TRHDE: variants seen among roughly 807,000 people sequenced by gnomAD.
TRHDE encodes the protein thyrotropin releasing hormone degrading enzyme, also known as thyrotropin-releasing hormone-degrading ectoenzyme.
Under a neutral mutation model 125.7 loss-of-function variants are expected in TRHDE, and 72 were observed. The observed-to-expected ratio is 0.57, with a 90% CI of 0.47 to 0.70. TRHDE has a LOEUF of 0.70. Among genes scored for constraint, TRHDE ranks in the 30% least tolerant of loss-of-function variants. TRHDE has a pLI of 0.00. For synonymous variants in TRHDE, 509 were observed against 509.1 expected (o/e 1.00, Z 0.00); for missense variants, 1,110 against 1,327.1 (o/e 0.84, Z 2.54).
chr12:72,215,149 T>A (rs1360294175), intron 2 of TRHDE, among the ~76,000 whole-genome samples: 2 of 147,584 alleles, frequency 1.4e-5, no homozygotes, highest in Non-Finnish European at 1.5e-5. Context: ...AGGATTTGGG[T>A]AGGTAAAGGA....
At chr12:72,165,478 C>T (rs1044496454) in intron 2 of TRHDE, among the ~76,000 whole-genome samples, 5 of 151,996 alleles carry the variant, frequency 3.3e-5, no homozygotes, top group African/African-American at 1.2e-4. Flanking sequence ...GGGTGGGAGG[C>T]TTATAGGTTC....
At position 72,494,677 on chromosome 12, in the gene TRHDE, A is replaced by G. The variant is rs553726842; in HGVS notation, c.1585-4821A>G. On this transcript the variant is annotated intron_variant, in intron 5 of 18. Transcript: ENST00000261180. ...TAACTCCTCAGACTTTGACATGTTCAGGCAGAAGCCATTACAAGACATCAA... is the reference window on the plus strand; with the variant it reads ...TAACTCCTCAGACTTTGACATGTTCGGGCAGAAGCCATTACAAGACATCAA... Among the ~76,000 whole-genome samples the G allele has an allele frequency of 1.1e-3, 162 of 152,206 alleles. 1 individual carries two copies. The highest frequency in any genetic ancestry group is 6.8e-3 in the Middle Eastern group (2 of 294).
chr12:72,627,847 ATTT>A (rs71071845), intron 15 of TRHDE, among the ~76,000 whole-genome samples: 1 of 143,778 alleles, frequency 7.0e-6, no homozygotes. Context: ...CACCTGGCTA[ATTT>A]TTTTTTTTTT....
intron 15 of TRHDE, among the ~76,000 whole-genome samples, chr12:72,644,387 A>C (rs1458914846): frequency 3.3e-5 from 5 of 152,176 alleles, no homozygotes. Flanking sequence ...TAAAAAGTCT[A>C]GCACAATCTA....
At chr12:72,294,886 A>C (rs1880228513) in intron 2 of TRHDE, among the ~76,000 whole-genome samples, 1 of 151,816 alleles carries the variant, frequency 6.6e-6, no homozygotes, top group African/African-American at 2.4e-5. Flanking sequence ...GAGTGTCAAC[A>C]CTGCCCTGAG....
At chr12:72,355,364 C>G (rs77591848) in intron 2 of TRHDE, among the ~76,000 whole-genome samples, 1 of 151,482 alleles carries the variant, frequency 6.6e-6, no homozygotes, top group Non-Finnish European at 1.5e-5. Flanking sequence ...ACCATGCATA[C>G]CTTGTAGGCT....
intron 2 of TRHDE, among the ~76,000 whole-genome samples, chr12:72,160,980 T>C (rs966991362): frequency 6.6e-6 from 1 of 152,188 alleles, no homozygotes; most frequent in Non-Finnish European, 1.5e-5. Context: ...ATACCAGAGA[T>C]TTTTTGGTTT....
intron 2 of TRHDE, among the ~76,000 whole-genome samples, chr12:72,174,279 A>G (rs1266610345): frequency 6.6e-6 from 1 of 152,226 alleles, no homozygotes; most frequent in Non-Finnish European, 1.5e-5. Context: ...ACCCACCCAG[A>G]ATATAATTAC....
chr12:72,442,803 G>T (rs1045684951), intron 3 of TRHDE, among the ~76,000 whole-genome samples: 6 of 151,780 alleles, frequency 4.0e-5, no homozygotes, highest in African/African-American at 1.2e-4. Context: ...GGATTTTTAG[G>T]TTCCTTCACC....
chr12:72,321,208 A>T (rs899087403), intron 2 of TRHDE, among the ~76,000 whole-genome samples: 1 of 152,194 alleles, frequency 6.6e-6, no homozygotes, highest in Non-Finnish European at 1.5e-5. Flanking sequence ...ACTCAGACAC[A>T]GTATGAGTAG....
chr12:72,622,294 G>T (rs1873084808), intron 15 of TRHDE, among the ~76,000 whole-genome samples: 1 of 151,932 alleles, frequency 6.6e-6, no homozygotes, highest in African/African-American at 2.4e-5. Context: ...GGTTAAAATT[G>T]TTTAATTAAA....
At chr12:72,512,907 C>T (rs1878669009) in intron 6 of TRHDE, among the ~76,000 whole-genome samples, 2 of 151,846 alleles carry the variant, frequency 1.3e-5, no homozygotes, top group Admixed American at 6.6e-5. Flanking sequence ...AGTGTTTGTA[C>T]ATCTAACAAT....
At chr12:72,591,386 C>T (rs1871674493) in intron 12 of TRHDE, among the ~76,000 whole-genome samples, 1 of 152,056 alleles carries the variant, frequency 6.6e-6, no homozygotes, top group Non-Finnish European at 1.5e-5. Flanking sequence ...CAATTTACCC[C>T]ACCAAATAAA....
intron 12 of TRHDE, among the ~76,000 whole-genome samples, chr12:72,594,814 C>T (rs996236690): frequency 5.9e-5 from 9 of 151,808 alleles, no homozygotes; most frequent in Non-Finnish European, 8.8e-5. Flanking sequence ...CACATGCACA[C>T]GTATGTTTAT....
At position 72,464,737 on chromosome 12, in the gene TRHDE, CA is replaced by C. The variant is rs569005379; in HGVS notation, c.1316-5014del. 9.9e-5 allele frequency among the ~76,000 whole-genome samples: 15 copies of C among 151,976 alleles called. No homozygotes were observed. In the East Asian group the frequency reaches 2.5e-3, roughly 26 times the overall value. Reference sequence around the variant, plus strand: ...ACCATATGATAATTCTCAGCAATGCCAAAAAAATGATGAATTCTGGGAAGTG... The same window carrying C: ...ACCATATGATAATTCTCAGCAATGCCAAAAAATGATGAATTCTGGGAAGTG... On this transcript the variant is annotated intron_variant, in intron 3 of 18. Transcript: ENST00000261180.
intron 18 of TRHDE, 41 bp from the exon 19 acceptor site, chr12:72,663,011 T>C: frequency 6.3e-7 from 1 of 1,577,072 alleles, no homozygotes; most frequent in Non-Finnish European, 8.6e-7. Flanking sequence ...GAGTTCTTTT[T>C]AAGACAGGCA....
intron 2 of TRHDE, among the ~76,000 whole-genome samples, chr12:72,338,352 G>A (rs1286410248): frequency 8.5e-5 from 13 of 152,102 alleles, no homozygotes; most frequent in African/African-American, 3.1e-4. Flanking sequence ...ATCTTAATTG[G>A]TATTTTCTAC....
chr12:72,184,148 T>C (rs1416521972), intron 2 of TRHDE, among the ~76,000 whole-genome samples: 1 of 152,234 alleles, frequency 6.6e-6, no homozygotes, highest in Non-Finnish European at 1.5e-5. Context: ...TTTTTATTTT[T>C]ATTTATTCAT....
intron 10 of TRHDE, among the ~76,000 whole-genome samples, chr12:72,571,480 C>T (rs1870729438): frequency 1.3e-5 from 2 of 152,118 alleles, no homozygotes. Flanking sequence ...TTTGAAAGTA[C>T]TTTGGATAAA....
Sources: gnomAD v4.1 joint callset for allele counts (sites outside exome capture counted in the v4.1 genomes callset) on GRCh38, gnomAD v4.1.1 for gene constraint, MANE v1.5 for transcripts, NCBI Gene and HGNC (gene_info 2026-07-23, HGNC 2026-07-21) for gene names.